The following CEACAM20 variants were observed in gnomAD, a reference collection of about 807,000 sequenced individuals.
CEACAM20 encodes the protein CEA cell adhesion molecule 20.
A neutral mutation model predicts 61.2 loss-of-function variants in CEACAM20; 50 were observed. The observed-to-expected ratio is 0.82, with a 90% CI of 0.65 to 1.03. The LOEUF is 1.03. Among genes scored for constraint, CEACAM20 ranks in the 50% least tolerant of loss-of-function variants. The pLI is 0.00. For missense variants in CEACAM20, 683 were observed against 736.4 expected (o/e 0.93, Z 0.84); for synonymous variants, 282 against 287.7 (o/e 0.98, Z 0.20).
Position 44,524,127 on chromosome 19 carries a change from G to T in CEACAM20, c.331C>A (p.His111Asn). 1 of 1,612,342 alleles carries T rather than the reference G, an allele frequency of 6.2e-7. No homozygotes were observed. The highest frequency in any genetic ancestry group is 8.5e-7 in the Non-Finnish European group (1 of 1,179,244). ...WVSNNLSIVF[H>N]ERMQLSKDGK... ...TCCTTGGACAGCTGCATGCGCTCAT[G>T]GAACACAATGGAGAGGTTGTTGGAA... is the stretch of plus-strand genomic sequence containing the variant. The change falls in exon 3 of 12, where the codon CAT becomes AAT. Residue 111 changes from histidine to asparagine, a missense_variant. By Grantham distance (68) the His-to-Asn change is moderately conservative. Coordinates refer to ENST00000614924, the MANE Select transcript of CEACAM20 (RefSeq NM_001102597.3).
chr19:44,521,256 T>C (rs1377557699), intron 4 of CEACAM20, among the ~76,000 whole-genome samples: 3 of 152,132 alleles, frequency 2.0e-5, no homozygotes, highest in Non-Finnish European at 4.4e-5. Context: ...TATATATGTG[T>C]TGAGGGTGTT....
At chr19:44,511,221 C>T (rs1599665366) in intron 10 of CEACAM20, 66 bp from the exon 11 acceptor site, 3 of 1,587,652 alleles carry the variant, frequency 1.9e-6, no homozygotes, top group East Asian at 2.2e-5. Flanking sequence ...TACCAACTTA[C>T]ACTCTTCAGG....
In CEACAM20 at chr19:44,524,127, G is replaced by A. The variant is rs772335709; in HGVS notation, c.331C>T (p.His111Tyr). The A allele has an allele frequency of 8.1e-6, 13 of 1,612,224 alleles. No individual in the cohort carries two copies. The highest frequency in any genetic ancestry group is 1.0e-5 in the Non-Finnish European group (12 of 1,179,252). The change falls in exon 3 of 12, where the codon CAT becomes TAT. Residue 111 changes from histidine (H) to tyrosine (Y), a missense_variant. Transcript: ENST00000614924. ...TCCTTGGACAGCTGCATGCGCTCAT[G>A]GAACACAATGGAGAGGTTGTTGGAA... is the stretch of plus-strand genomic sequence containing the variant. ...WVSNNLSIVF[H>Y]ERMQLSKDGK...
chr19:44,524,578 AC>A (rs1417090491), intron 2 of CEACAM20, among the ~76,000 whole-genome samples: 1 of 152,010 alleles, frequency 6.6e-6, no homozygotes, highest in East Asian at 1.9e-4. Context: ...AGGGCCCCCT[AC>A]CCACTCTTTT....
chr19:44,516,887 G>A, intron 6 of CEACAM20, 59 bp downstream of exon 6: 1 of 1,541,274 alleles, frequency 6.5e-7, no homozygotes, highest in Non-Finnish European at 8.8e-7. Flanking sequence ...TAGGTAGCTG[G>A]GACCAGCATC....
At chr19:44,526,866 C>A (rs566830339) in intron 1 of CEACAM20, among the ~76,000 whole-genome samples, 9 of 151,230 alleles carry the variant, frequency 6.0e-5, no homozygotes, top group African/African-American at 2.0e-4. Flanking sequence ...AGAGCTAGAC[C>A]TTGTCTCAAA....
chr19:44,514,185 T>C (rs1429837761), intron 6 of CEACAM20, among the ~76,000 whole-genome samples: 3 of 152,182 alleles, frequency 2.0e-5, no homozygotes, highest in Non-Finnish European at 2.9e-5. Context: ...TAGCACAGGA[T>C]GTTTGCAAAG....
At chr19:44,516,637 C>G (rs905703634) in intron 6 of CEACAM20, among the ~76,000 whole-genome samples, 2 of 152,170 alleles carry the variant, frequency 1.3e-5, no homozygotes, top group Non-Finnish European at 2.9e-5. Context: ...TATAAATTAC[C>G]CAGTCTTCAG....
At position 44,517,085 on chromosome 19, in the gene CEACAM20, T is replaced by C; in HGVS notation, c.1170A>G (p.Glu390=). ...CACCCAGGTGCTCCCCGGTGGAGTG[T>C]TCAAGAGTCCAGCGATACTCAGCAC... ...KPGAEYRWTL[E]HSTGEHLGEQ... is the part of the protein sequence containing the mutation. The change falls in exon 6 of 12, where the codon GAA becomes GAG. Residue 390 remains glutamate (E), a synonymous_variant. Coordinates refer to ENST00000614924, the MANE Select transcript of CEACAM20 (RefSeq NM_001102597.3). The C allele has an allele frequency of 6.2e-7, 1 of 1,610,834 alleles. No homozygotes were observed. Among genetic ancestry groups the C allele is most frequent in the Non-Finnish European group, 8.5e-7 (1 of 1,178,658 alleles).
At chr19:44,517,835 G>A (rs554212882) in intron 5 of CEACAM20, among the ~76,000 whole-genome samples, 246 of 152,016 alleles carry the variant, frequency 1.6e-3, no homozygotes, top group African/African-American at 3.8e-3. Context: ...CTGGGAAGCC[G>A]AGGTAGGTGG....
intron 8 of CEACAM20, among the ~76,000 whole-genome samples, 169 bp downstream of exon 8, chr19:44,512,699 C>T (rs1971037414): frequency 6.6e-6 from 1 of 152,248 alleles, no homozygotes; most frequent in Admixed American, 6.5e-5. Context: ...CATCAGAGGG[C>T]TTGACTCCAA....
At chr19:44,524,437 G>A (rs1971467244) in intron 2 of CEACAM20, among the ~76,000 whole-genome samples, 176 bp from the exon 3 acceptor site, 1 of 152,060 alleles carries the variant, frequency 6.6e-6, no homozygotes, top group Admixed American at 6.5e-5. Context: ...TGTCATCTTC[G>A]GCAAGTTACT....
intron 6 of CEACAM20, among the ~76,000 whole-genome samples, chr19:44,513,686 C>G (rs909731621): frequency 2.6e-5 from 4 of 151,994 alleles, no homozygotes; most frequent in Non-Finnish European, 5.9e-5. Context: ...AGTGATCCGC[C>G]CACCTCAGCC....
chr19:44,525,932 C>T (rs1196215156), intron 1 of CEACAM20, among the ~76,000 whole-genome samples: 1 of 152,128 alleles, frequency 6.6e-6, no homozygotes, highest in Admixed American at 6.6e-5. Flanking sequence ...CCCTGTATTC[C>T]ACATAGAGAA....
rs1450082672 is a variant in CEACAM20, at chr19:44,528,157, CT to C, written c.52+1300del. 1.5e-4 allele frequency among the ~76,000 whole-genome samples: 15 copies of C among 102,634 alleles called. No homozygotes were observed. In the East Asian group the frequency reaches 4.9e-3, roughly 34 times the overall value. The allele number at this position is 102,634 out of a possible 152,430, so 67.3% of individuals were successfully genotyped here. ...ATCTCTTTCTTTCTTTTCTTTCTTT[CT>C]TTTCTTTCTTTCCTTTCTTTCTTTC... On this transcript the variant is annotated intron_variant, in intron 1 of 11. Coordinates refer to ENST00000614924, the MANE Select transcript of CEACAM20 (RefSeq NM_001102597.3).
rs200315176 is a variant in CEACAM20 at position 44,520,628 on chromosome 19, C to A, written c.876G>T (p.Gln292His). Reference sequence around the variant, plus strand: ...GCAGGTGCTCACTGGGCAGGAGGGGCTGGCCACTTAGGAACCACTGGACAT... The same window carrying A: ...GCAGGTGCTCACTGGGCAGGAGGGGATGGCCACTTAGGAACCACTGGACAT... Reference protein sequence around the residue: ...SVNVQWFLSGQPLLPSEHLQL... With the variant: ...SVNVQWFLSGHPLLPSEHLQL... The change falls in exon 5 of 12, where the codon CAG becomes CAT. Residue 292 changes from glutamine to histidine, a missense_variant. By Grantham distance (24) the Gln-to-His change is conservative. Coordinates refer to ENST00000614924, the MANE Select transcript of CEACAM20 (RefSeq NM_001102597.3). The A allele has an allele frequency of 6.2e-7, 1 of 1,613,900 alleles. No individual in the cohort carries two copies.
chr19:44,507,811 G>A (rs1424809981), intron 11 of CEACAM20, among the ~76,000 whole-genome samples: 1 of 152,142 alleles, frequency 6.6e-6, no homozygotes, highest in Non-Finnish European at 1.5e-5. Flanking sequence ...TGGGATGATC[G>A]CTTGAGCCCA....
In CEACAM20 at chr19:44,520,422, G is replaced by C. The variant is rs542635472; in HGVS notation, c.1030+52C>G. 27 of 1,581,482 alleles carry C rather than the reference G, an allele frequency of 1.7e-5. No individual in the cohort carries two copies. The African/African-American group carries it at 3.6e-4, about 21-fold the overall frequency. ...GAATGACTAGAAGGAAGAACTTAAA[G>C]AGAAGGAGGGAAGCAGGGAGATGGG... On this transcript the variant is annotated intron_variant, in intron 5 of 11. Coordinates refer to ENST00000614924, the MANE Select transcript of CEACAM20 (RefSeq NM_001102597.3).
chr19:44,527,830 C>T (rs1342210157), intron 1 of CEACAM20, among the ~76,000 whole-genome samples: 1 of 152,232 alleles, frequency 6.6e-6, no homozygotes, highest in African/African-American at 2.4e-5. Flanking sequence ...GTTGCAAAAT[C>T]ATGTCTTCAC....
Sources: gnomAD v4.1 joint callset for allele counts (sites outside exome capture counted in the v4.1 genomes callset) on GRCh38, gnomAD v4.1.1 for gene constraint, MANE v1.5 for transcripts, NCBI Gene and HGNC (gene_info 2026-07-23, HGNC 2026-07-21) for gene names.